The following GLDN variants were observed in gnomAD, a reference collection of about 807,000 sequenced individuals.
GLDN encodes the protein gliomedin, also known as collomin.
GLDN carries 47 observed loss-of-function variants against 56.5 expected under a neutral mutation model. The observed-to-expected ratio is 0.83, with a 90% CI of 0.66 to 1.06. The LOEUF is 1.06. Ranked by LOEUF, GLDN falls within the 50% of genes least tolerant of loss-of-function variation. GLDN has a pLI of 0.00. For missense variants in GLDN, 782 were observed against 714.3 expected (o/e 1.09, Z -1.08); for synonymous variants, 332 against 278.8 (o/e 1.19, Z -1.90).
downstream of GLDN, among the ~76,000 whole-genome samples, chr15:51,412,878 AC>A (rs539137428): frequency 1.9e-3 from 283 of 152,180 alleles, 7 homozygotes; most frequent in South Asian, 0.039. Context: ...TGCAACAGAA[AC>A]TTTACCGTCT....
In GLDN at chr15:51,377,564, C is replaced by T. The variant is rs557276050; in HGVS notation, c.415+64C>T. 1.2e-5 allele frequency: 15 copies of T among 1,251,056 alleles called. No homozygotes were observed. In the South Asian group the frequency reaches 1.8e-4, roughly 15 times the overall value. The allele number at this position is 1,251,056 out of a possible 1,614,324, so 77.5% of individuals were successfully genotyped here. A position where few individuals can be genotyped will look rare whatever the true frequency, so the allele number is the denominator to read the frequency against. On this transcript the variant is annotated intron_variant, in intron 2 of 9. Coordinates refer to ENST00000335449, the MANE Select transcript of GLDN (RefSeq NM_181789.4). Reference sequence around the variant, plus strand: ...GACTTGTGCCGCTGAAGGCCCGTGGCAGAATGAACGCCTAGGGACACTTTG... The same window carrying T: ...GACTTGTGCCGCTGAAGGCCCGTGGTAGAATGAACGCCTAGGGACACTTTG...
chr15:51,412,739 C>G (rs533294192), downstream of GLDN, among the ~76,000 whole-genome samples: 10 of 152,068 alleles, frequency 6.6e-5, 1 homozygote, highest in African/African-American at 2.4e-4. Context: ...GATATTTAGA[C>G]CAGGGATTAG....
chr15:51,382,725 C>T (rs62020113), intron 2 of GLDN, among the ~76,000 whole-genome samples: 7 of 126,754 alleles, frequency 5.5e-5, no homozygotes, highest in African/African-American at 2.7e-4. Context: ...GACTCTGTCT[C>T]CAAAAAAAAA....
chr15:51,371,015 A>G (rs1424706693), intron 1 of GLDN, among the ~76,000 whole-genome samples: 2 of 152,138 alleles, frequency 1.3e-5, no homozygotes, highest in Non-Finnish European at 2.9e-5. Context: ...AAATTAAAAA[A>G]AAAAACCTAT....
At chr15:51,383,415 T>C in intron 2 of GLDN, 21 bp from the exon 3 acceptor site, 1 of 1,613,942 alleles carries the variant, frequency 6.2e-7, no homozygotes, top group South Asian at 1.1e-5. Context: ...GTTTCTCAAC[T>C]AAATTTTTTT....
At chr15:51,376,718 TTTTG>T (rs1454314871) in intron 1 of GLDN, among the ~76,000 whole-genome samples, 1 of 152,240 alleles carries the variant, frequency 6.6e-6, no homozygotes, top group Non-Finnish European at 1.5e-5. Flanking sequence ...ATTTGGTGTT[TTTTG>T]TTTGTTTACT....
intron 2 of GLDN, among the ~76,000 whole-genome samples, chr15:51,380,735 T>A (rs567549876): frequency 1.3e-5 from 2 of 152,102 alleles, no homozygotes; most frequent in Non-Finnish European, 2.9e-5. Flanking sequence ...GTGCCTCTTC[T>A]CTCACTTGCC....
chr15:51,341,764 C>A lies in GLDN; in HGVS notation c.80C>A (p.Ser27Ter). The A allele has an allele frequency of 6.7e-7, 1 of 1,486,754 alleles. No individual in the cohort carries two copies. The highest frequency in any genetic ancestry group is 8.9e-7 in the Non-Finnish European group (1 of 1,128,654). The allele number at this position is 1,486,754 out of a possible 1,614,324, so 92.1% of individuals were successfully genotyped here. The change falls in exon 1 of 10, where the codon TCG becomes TAG. Residue 27 changes from serine to a stop codon, truncating the protein, a stop_gained. Transcript: ENST00000335449. LOFTEE classifies it high-confidence loss of function. ...GCCCTGGCGGCCGTGGCGCTGCTCT[C>A]GGCGCTCAACGCTGCGGGCACGGTG... ...RGALAAVALLSALNAAGTVFA... is the reference protein window; with the variant it reads ...RGALAAVALL
rs372723026 is a variant in GLDN at position 51,386,570 on chromosome 15, G to A, written c.541+2678G>A. On this transcript the variant is annotated intron_variant, in intron 4 of 9. Transcript: ENST00000335449. The stretch of plus-strand genomic sequence containing the variant: ...AGCCCCAGAGGGCCGTCAAGTGGGA[G>A]ACAGTGATGGGATCAGATCTGCTTC... Among the ~76,000 whole-genome samples the A allele has an allele frequency of 1.7e-4, 26 of 152,352 alleles. No homozygotes were observed. In the South Asian group the frequency reaches 5.2e-3, roughly 30 times the overall value.
chr15:51,375,972 G>T (rs1472965866), intron 1 of GLDN, among the ~76,000 whole-genome samples: 1 of 152,226 alleles, frequency 6.6e-6, no homozygotes, highest in Middle Eastern at 3.4e-3. Context: ...CAATTCCCTC[G>T]TCATCCTCTG....
intron 1 of GLDN, among the ~76,000 whole-genome samples, chr15:51,356,722 G>A (rs1002684213): frequency 5.3e-5 from 8 of 152,164 alleles, no homozygotes; most frequent in Non-Finnish European, 8.8e-5. Flanking sequence ...CTTTAAAAAG[G>A]TGGCGATAGC....
rs113729106 is a variant in GLDN at position 51,391,508 on chromosome 15, A to G, written c.542-3327A>G. ...TGGTGCACTGTGCAGGCTGGACTCT[A>G]TGGCAATGCCCTCGTTTTTTGTCTC... is the stretch of plus-strand genomic sequence containing the variant. On this transcript the variant is annotated intron_variant, in intron 4 of 9. Transcript: ENST00000335449. 1.2e-3 allele frequency among the ~76,000 whole-genome samples: 183 copies of G among 152,298 alleles called. 1 individual carries two copies. The highest frequency in any genetic ancestry group is 4.3e-3 in the African/African-American group (178 of 41,570).
At chr15:51,365,479 G>T (rs1466487217) in intron 1 of GLDN, among the ~76,000 whole-genome samples, 2 of 152,102 alleles carry the variant, frequency 1.3e-5, no homozygotes, top group East Asian at 1.9e-4. Flanking sequence ...TTTCAAAAAG[G>T]TCTTTATCTT....
intron 4 of GLDN, among the ~76,000 whole-genome samples, chr15:51,386,837 A>G (rs144490179): frequency 3.3e-5 from 5 of 152,068 alleles, no homozygotes; most frequent in South Asian, 2.1e-4. Context: ...GCTCGACTGG[A>G]TGGATGGGTA....
At chr15:51,380,992 A>G (rs1353325895) in intron 2 of GLDN, among the ~76,000 whole-genome samples, 1 of 152,154 alleles carries the variant, frequency 6.6e-6, no homozygotes, top group Non-Finnish European at 1.5e-5. Flanking sequence ...CTCACTCTAA[A>G]TCCAAACTGA....
chr15:51,360,535 C>T (rs1175928953), intron 1 of GLDN: 2 of 152,340 alleles, frequency 1.3e-5, no homozygotes, highest in South Asian at 4.1e-4. Context: ...CAGAGAGCCC[C>T]AGGTAAGTTT....
chr15:51,341,893 C>A lies in GLDN; in HGVS notation c.209C>A (p.Ala70Asp), dbSNP rs746324153. 2.5e-6 allele frequency: 4 copies of A among 1,585,326 alleles called. No individual in the cohort carries two copies. In the South Asian group the frequency reaches 4.4e-5, roughly 18 times the overall value. Residue 70 changes from alanine (A) to aspartate (D), a missense_variant, in exon 1 of 10, where the codon GCC becomes GAC. Transcript: ENST00000335449. Reference sequence around the variant, plus strand: ...GACAGTGCCCTGCGCTCCTTCCTGGCCGAGTTGAGCCGCGCGCCGCGCGGG... The same window carrying A: ...GACAGTGCCCTGCGCTCCTTCCTGGACGAGTTGAGCCGCGCGCCGCGCGGG... ...REDSALRSFLAELSRAPRGAS... is the reference protein window; with the variant it reads ...REDSALRSFLDELSRAPRGAS...
chr15:51,391,117 T>TG lies in GLDN; in HGVS notation c.542-3717dup, dbSNP rs541675596. 2.4e-3 allele frequency among the ~76,000 whole-genome samples: 358 copies of TG among 152,236 alleles called. 2 individuals carry two copies. The highest frequency in any genetic ancestry group is 3.6e-3 in the Non-Finnish European group (242 of 68,012). On this transcript the variant is annotated intron_variant, in intron 4 of 9. Coordinates refer to ENST00000335449, the MANE Select transcript of GLDN (RefSeq NM_181789.4). ...AAAGGCAGACTCTATGTAGACAAAA[T>TG]GTCCCCCAACCCTTTCTTAATGAAA... is the stretch of plus-strand genomic sequence containing the variant.
At chr15:51,377,684 T>C (rs1365331762) in intron 2 of GLDN, among the ~76,000 whole-genome samples, 184 bp downstream of exon 2, 1 of 152,252 alleles carries the variant, frequency 6.6e-6, no homozygotes, top group African/African-American at 2.4e-5. Context: ...TTTTCAGTAT[T>C]GCCATAGAAA....
Sources: gnomAD v4.1 joint callset for allele counts (sites outside exome capture counted in the v4.1 genomes callset) on GRCh38, gnomAD v4.1.1 for gene constraint, MANE v1.5 for transcripts, NCBI Gene and HGNC (gene_info 2026-07-23, HGNC 2026-07-21) for gene names.